Variants in EYS observed in about 807,000 individuals in gnomAD.
EYS encodes EGF-like photoreceptor maintenance factor, also known as protein eyes shut homolog.
In EYS, 250 loss-of-function variants were observed where a neutral mutation model predicts 282.1. The ratio of observed to expected loss-of-function variants is 0.89; its 90% CI spans 0.80 to 0.98. The LOEUF is 0.98. Among genes scored for constraint, EYS ranks in the 50% least tolerant of loss-of-function variants. The pLI is 0.00. For synonymous variants in EYS, 1,355 were observed against 1,282.9 expected, an observed-to-expected ratio of 1.06 and a Z score of -1.20; for missense variants, 4,016 against 3,709.0, an observed-to-expected ratio of 1.08 and a Z score of -2.15.
intron 12 of EYS, among the ~76,000 whole-genome samples, chr6:65,160,911 C>A (rs1764837216): frequency 7.2e-6 from 1 of 138,566 alleles, no homozygotes; most frequent in African/African-American, 3.0e-5. Context: ...ACATCTGAGG[C>A]CTCAATTTTT....
intron 30 of EYS, among the ~76,000 whole-genome samples, chr6:64,282,730 C>T (rs1033501400): frequency 6.6e-6 from 1 of 152,180 alleles, no homozygotes; most frequent in South Asian, 2.1e-4. Flanking sequence ...TAGGTCAAGA[C>T]ACTGCTATCT....
intron 35 of EYS, among the ~76,000 whole-genome samples, chr6:63,906,967 G>T (rs1193174073): frequency 6.6e-6 from 1 of 151,896 alleles, no homozygotes; most frequent in Non-Finnish European, 1.5e-5. Flanking sequence ...GAGGAACACT[G>T]GTCTAGCTCT....
At chr6:63,887,830 G>T (rs992589572) in intron 35 of EYS, among the ~76,000 whole-genome samples, 1 of 152,156 alleles carries the variant, frequency 6.6e-6, no homozygotes, top group Admixed American at 6.5e-5. Context: ...CCTGGAAAGG[G>T]GGCTGAAGCC....
intron 12 of EYS, among the ~76,000 whole-genome samples, chr6:65,133,799 A>G (rs1056402187): frequency 6.6e-6 from 1 of 152,152 alleles, no homozygotes; most frequent in African/African-American, 2.4e-5. Context: ...GAGCTTTTGC[A>G]CAGCAAAAGA....
intron 12 of EYS, among the ~76,000 whole-genome samples, chr6:65,087,962 T>G (rs193064578): frequency 3.6e-4 from 55 of 151,830 alleles, no homozygotes; most frequent in Middle Eastern, 6.8e-3. Flanking sequence ...TATGGGGGAG[T>G]CTTGTGAGAT....
intron 22 of EYS, among the ~76,000 whole-genome samples, chr6:64,658,681 C>G (rs577087563): frequency 6.6e-6 from 1 of 152,304 alleles, no homozygotes; most frequent in East Asian, 1.9e-4. Context: ...TATTGGTGAG[C>G]AGCAAATGTT....
chr6:64,445,239 A>C (rs1421284137), intron 26 of EYS, among the ~76,000 whole-genome samples: 1 of 152,166 alleles, frequency 6.6e-6, no homozygotes, highest in Non-Finnish European at 1.5e-5. Flanking sequence ...CCCTCAGCAA[A>C]AATTTTAAAC....
intron 12 of EYS, among the ~76,000 whole-genome samples, chr6:65,235,303 TG>T (rs1766893796): frequency 6.6e-6 from 1 of 152,156 alleles, no homozygotes; most frequent in Non-Finnish European, 1.5e-5. Context: ...GTACTGTGAC[TG>T]AGCCACATTT....
chr6:64,821,808 T>G (rs1764908447), intron 20 of EYS, 85 bp from the exon 21 acceptor site: 3 of 799,200 alleles, frequency 3.8e-6, no homozygotes, highest in East Asian at 5.8e-5. Flanking sequence ...TAAACTTTTC[T>G]TTCCTAGTTC....
intron 2 of EYS, among the ~76,000 whole-genome samples, chr6:65,554,202 C>T (rs1157548223): frequency 6.6e-6 from 1 of 152,164 alleles, no homozygotes; most frequent in Non-Finnish European, 1.5e-5. Flanking sequence ...TATAAGCCAT[C>T]CAGGCTATGG....
chr6:64,207,984 G>A (rs979394395), intron 31 of EYS, among the ~76,000 whole-genome samples: 3 of 152,090 alleles, frequency 2.0e-5, no homozygotes, highest in South Asian at 2.1e-4. Flanking sequence ...TTCAGATATT[G>A]TTTATATAGC....
intron 15 of EYS, among the ~76,000 whole-genome samples, chr6:64,929,415 C>T (rs1455473474): frequency 6.6e-6 from 1 of 151,992 alleles, no homozygotes; most frequent in East Asian, 1.9e-4. Flanking sequence ...TCTTTAATAC[C>T]TTTTCTGTTT....
chr6:64,242,039 T>C (rs764507854), intron 30 of EYS, among the ~76,000 whole-genome samples: 3 of 152,178 alleles, frequency 2.0e-5, no homozygotes, highest in Admixed American at 6.5e-5. Flanking sequence ...CTGTTTGTTA[T>C]GAATTCTGTT....
chr6:64,162,190 G>T (rs1775127921), intron 31 of EYS, among the ~76,000 whole-genome samples: 1 of 152,124 alleles, frequency 6.6e-6, no homozygotes, highest in African/African-American at 2.4e-5. Context: ...AGATCCCTCT[G>T]AAGATTCATA....
At chr6:65,440,635 C>A (rs1768277818) in intron 5 of EYS, among the ~76,000 whole-genome samples, 1 of 151,206 alleles carries the variant, frequency 6.6e-6, no homozygotes, top group African/African-American at 2.4e-5. Flanking sequence ...CCTCCATAAA[C>A]ATCCTCATAA....
At chr6:64,196,203 C>T (rs1230895690) in intron 31 of EYS, among the ~76,000 whole-genome samples, 1 of 152,192 alleles carries the variant, frequency 6.6e-6, no homozygotes, top group Non-Finnish European at 1.5e-5. Flanking sequence ...GACACCATCT[C>T]ACACCAGTTA....
At chr6:63,876,255 GT>G (rs1349980964) in intron 35 of EYS, among the ~76,000 whole-genome samples, 1 of 152,188 alleles carries the variant, frequency 6.6e-6, no homozygotes, top group African/African-American at 2.4e-5. Flanking sequence ...GGAGCAGGTT[GT>G]TCAGTTTCCA....
At chr6:64,702,228 A>G (rs1379258434) in intron 22 of EYS, among the ~76,000 whole-genome samples, 1 of 152,058 alleles carries the variant, frequency 6.6e-6, no homozygotes, top group African/African-American at 2.4e-5. Context: ...TACAAATACA[A>G]AAAAAGAAGT....
At chr6:64,574,215 GAGTT>G (rs981113182) in intron 26 of EYS, among the ~76,000 whole-genome samples, 1 of 152,118 alleles carries the variant, frequency 6.6e-6, no homozygotes, top group Non-Finnish European at 1.5e-5. Flanking sequence ...TCATAAGTGG[GAGTT>G]GAACAATGGG....
Sources: allele counts gnomAD v4.1 joint callset (sites outside exome capture counted in the v4.1 genomes callset), GRCh38; gene constraint gnomAD v4.1.1; transcripts MANE v1.5; gene names NCBI Gene and HGNC (gene_info 2026-07-23, HGNC 2026-07-21).